AKR1E2: variants seen among roughly 807,000 people sequenced by gnomAD.
AKR1E2 encodes the protein aldo-keto reductase family 1 member E2.
In AKR1E2, 43 loss-of-function variants were observed where a neutral mutation model predicts 41.9. That is an observed-to-expected ratio of 1.03 (90% CI 0.80 to 1.32). The LOEUF is 1.32. Among genes scored for constraint, AKR1E2 ranks in the 40% most tolerant of loss-of-function variants. The pLI, the probability that AKR1E2 is intolerant of heterozygous loss-of-function variation, is 0.00. For synonymous variants in AKR1E2, 121 were observed against 138.9 expected (o/e 0.87, Z 0.91); for missense variants, 423 against 396.5 (o/e 1.07, Z -0.57).
At chr10:4,859,571 G>A in the AKR1E2 span, among the ~76,000 whole-genome samples, 1 of 152,168 alleles carries the variant, frequency 6.6e-6, no homozygotes, top group Admixed American at 6.6e-5. Flanking sequence ...GAGAGGTGAG[G>A]CTAAAGATCT....
the AKR1E2 span, among the ~76,000 whole-genome samples, chr10:4,863,737 A>G: frequency 1.5e-5 from 2 of 132,110 alleles, no homozygotes; most frequent in Non-Finnish European, 3.4e-5. Context: ...GAAGAAAAGA[A>G]AGAAGAATCA....
At chr10:4,869,630 T>C in the AKR1E2 span, among the ~76,000 whole-genome samples, 1 of 152,032 alleles carries the variant, frequency 6.6e-6, no homozygotes, top group Non-Finnish European at 1.5e-5. Context: ...TTTAAGACTT[T>C]TCCCCTTTTT....
the AKR1E2 span, among the ~76,000 whole-genome samples, chr10:4,861,955 T>C: frequency 6.6e-6 from 1 of 152,238 alleles, no homozygotes; most frequent in Non-Finnish European, 1.5e-5. Context: ...TTTGTCAATT[T>C]TGGCTTTTGT....
At chr10:4,832,426 G>A (rs1833041211) in intron 2 of AKR1E2, among the ~76,000 whole-genome samples, 1 of 152,204 alleles carries the variant, frequency 6.6e-6, no homozygotes, top group Admixed American at 6.5e-5. Flanking sequence ...CAAGCGGGGA[G>A]AATGTCTTCT....
chr10:4,830,166 C>A (rs1832859987), intron 1 of AKR1E2, among the ~76,000 whole-genome samples: 1 of 152,174 alleles, frequency 6.6e-6, no homozygotes, highest in African/African-American at 2.4e-5. Flanking sequence ...CTAGTCCCTT[C>A]CCTTGCCTGA....
the AKR1E2 span, among the ~76,000 whole-genome samples, chr10:4,863,997 A>G: frequency 6.6e-6 from 1 of 152,198 alleles, no homozygotes. Context: ...AAAGCCCAGG[A>G]CCAGACGGAT....
At chr10:4,837,946 A>G (rs1327643936) in intron 5 of AKR1E2, among the ~76,000 whole-genome samples, 1 of 152,180 alleles carries the variant, frequency 6.6e-6, no homozygotes, top group African/African-American at 2.4e-5. Flanking sequence ...AGCAAGAAAG[A>G]GTGGATGACT....
chr10:4,825,045 G>A (rs934057023), upstream of AKR1E2: 1 of 455,332 alleles, frequency 2.2e-6, no homozygotes, highest in African/African-American at 2.0e-5. Flanking sequence ...ACAGGTGAGT[G>A]CTCCAGGCAC....
chr10:4,858,832 T>TG, the AKR1E2 span, among the ~76,000 whole-genome samples: 1 of 150,450 alleles, frequency 6.6e-6, no homozygotes, highest in Non-Finnish European at 1.5e-5. Context: ...GATTTTTTTT[T>TG]TTTTTTTTTG....
At position 4,847,699 on chromosome 10, in the gene AKR1E2, T is replaced by C; in HGVS notation, c.*169T>C. 6 of 751,688 alleles carry C rather than the reference T, an allele frequency of 8.0e-6. No homozygotes were observed. The highest frequency in any genetic ancestry group is 1.8e-5 in the African/African-American group (1 of 57,086). The allele number at this position is 751,688 out of a possible 1,614,324, so 46.6% of individuals were successfully genotyped here. A position where few individuals can be genotyped will look rare whatever the true frequency, so the allele number is the denominator to read the frequency against. On this transcript the variant is annotated 3_prime_UTR_variant, in exon 10 of 10. Transcript: ENST00000298375. ...TCTCTGACAAATCTGGAGAATTGAG[T>C]GTGTTCTAAGTGAAGGCAATGGGGT...
chr10:4,855,544 A>T, the AKR1E2 span, among the ~76,000 whole-genome samples: 1 of 146,058 alleles, frequency 6.8e-6, no homozygotes, highest in Non-Finnish European at 1.5e-5. Flanking sequence ...TGCCATCACA[A>T]TGGCAGCCCA....
intron 3 of AKR1E2, 87 bp downstream of exon 3, chr10:4,833,553 A>G: frequency 8.5e-7 from 1 of 1,170,434 alleles, no homozygotes; most frequent in Non-Finnish European, 1.3e-6. Context: ...GAGAGCATGG[A>G]CCAGCATTCA....
chr10:4,833,956 T>C (rs527762665), intron 3 of AKR1E2, among the ~76,000 whole-genome samples: 1 of 152,364 alleles, frequency 6.6e-6, no homozygotes, highest in Admixed American at 6.5e-5. Context: ...TTTTATTCTC[T>C]TAATTGCTTC....
chr10:4,834,742 G>T (rs1196064973), intron 3 of AKR1E2, among the ~76,000 whole-genome samples: 2 of 152,228 alleles, frequency 1.3e-5, no homozygotes, highest in Non-Finnish European at 2.9e-5. Context: ...TCCTTTAGCA[G>T]ATTCCTGTCT....
the AKR1E2 span, among the ~76,000 whole-genome samples, chr10:4,865,635 T>C: frequency 6.6e-6 from 1 of 152,012 alleles, no homozygotes; most frequent in South Asian, 2.1e-4. Flanking sequence ...AAAAAGAAAA[T>C]CCCTCAATAC....
rs561934480 is a variant in AKR1E2 at position 4,828,691 on chromosome 10, A to G, written c.40-1984A>G. Among the ~76,000 whole-genome samples, 46 of 152,332 alleles carry G rather than the reference A, an allele frequency of 3.0e-4. No individual in the cohort carries two copies. In the South Asian group the frequency reaches 7.5e-3, roughly 25 times the overall value. The stretch of plus-strand genomic sequence containing the variant: ...TGTAATGTTAAATCTTAACTTTTCT[A>G]CAAGCATGGTATTCTTCTCTGTTAA... On this transcript the variant is annotated intron_variant, in intron 1 of 9. Coordinates refer to ENST00000298375, the MANE Select transcript of AKR1E2 (RefSeq NM_001040177.3).
At position 4,842,353 on chromosome 10, in the gene AKR1E2, G is replaced by C. The variant is rs2131553963; in HGVS notation, c.754-68G>C. The C allele has an allele frequency of 9.1e-6, 13 of 1,424,328 alleles. No homozygotes were observed. The South Asian group carries it at 1.4e-4, about 15-fold the overall frequency. 88.2% of individuals were successfully genotyped at this position (1,424,328 alleles called of 1,614,324 possible). A position where few individuals can be genotyped will look rare whatever the true frequency, so the allele number is the denominator to read the frequency against. ...TCTTACTGCATGATAAAACTCACAT[G>C]TTAGAAAATAACTTAGACTACATGG... On this transcript the variant is annotated intron_variant, in intron 7 of 9. Coordinates refer to ENST00000298375, the MANE Select transcript of AKR1E2 (RefSeq NM_001040177.3).
the AKR1E2 span, among the ~76,000 whole-genome samples, chr10:4,858,477 G>T: frequency 6.6e-6 from 1 of 152,318 alleles, no homozygotes; most frequent in African/African-American, 2.4e-5. Flanking sequence ...AGATAGTCAT[G>T]TAAGCAAATA....
chr10:4,827,569 C>T (rs998742648), intron 1 of AKR1E2, among the ~76,000 whole-genome samples: 1 of 151,404 alleles, frequency 6.6e-6, no homozygotes, highest in Non-Finnish European at 1.5e-5. Context: ...TGATTTGAGA[C>T]AGCACTGACT....
Sources: allele counts gnomAD v4.1 joint callset (sites outside exome capture counted in the v4.1 genomes callset), GRCh38; gene constraint gnomAD v4.1.1; transcripts MANE v1.5; gene names NCBI Gene and HGNC (gene_info 2026-07-23, HGNC 2026-07-21).